The following FAM98C variants were observed in gnomAD, a reference collection of about 807,000 sequenced individuals.
The protein encoded by FAM98C is protein FAM98C.
Under a neutral mutation model 41.1 loss-of-function variants are expected in FAM98C, and 38 were observed. The observed-to-expected ratio is 0.92, with a 90% CI of 0.71 to 1.21. FAM98C has a LOEUF of 1.21. Among genes scored for constraint, FAM98C ranks in the 50% most tolerant of loss-of-function variants. The probability of loss-of-function intolerance (pLI) is 0.00; values close to 1 mark genes in which losing one functional copy is unlikely to be tolerated. For synonymous variants in FAM98C, 195 were observed against 216.7 expected, an observed-to-expected ratio of 0.90 and a Z score of 0.88; for missense variants, 493 against 484.7, an observed-to-expected ratio of 1.02 and a Z score of -0.16.
At position 38,408,861 on chromosome 19, in the gene FAM98C, C is replaced by CAAGAAG. The variant is rs59917662; in HGVS notation, c.1042_1047dup (p.Lys348_Lys349dup). On this transcript the variant is annotated inframe_insertion, in exon 8 of 8. Coordinates refer to ENST00000252530, the MANE Select transcript of FAM98C (RefSeq NM_174905.4). ...ATGGAGGCCCCCAGTGTTGGGGTCG[C>CAAGAAG]AAGAAGAAGAAGAAGAAGTAAAGGG... is the stretch of plus-strand genomic sequence containing the variant. The CAAGAAG allele has an allele frequency of 3.2e-6, 5 of 1,555,644 alleles. No individual in the cohort carries two copies. The South Asian group carries it at 3.6e-5, about 11-fold the overall frequency.
At position 38,407,069 on chromosome 19, in the gene FAM98C, A is replaced by G. The variant is rs1306607920; in HGVS notation, c.910A>G (p.Ile304Val). ...TGTCCGCAGAGGGACCTGCTGTGCC[A>G]TCAACAAGGTGGGCATCTGGGGTAG... ...VAVRRGTCCAINKVLMGNVPD... is the reference protein window; with the variant it reads ...VAVRRGTCCAVNKVLMGNVPD... Residue 304 changes from isoleucine (I) to valine (V), a missense_variant, in exon 7 of 8, where the codon ATC becomes GTC. Physicochemically the swap from Ile to Val is conservative, Grantham distance 29. Coordinates refer to ENST00000252530, the MANE Select transcript of FAM98C (RefSeq NM_174905.4). The G allele has an allele frequency of 6.2e-7, 1 of 1,613,384 alleles. No individual in the cohort carries two copies. The highest frequency in any genetic ancestry group is 1.1e-5 in the South Asian group (1 of 91,080).
At chr19:38,405,465 C>G in intron 5 of FAM98C, 44 bp downstream of exon 5, 1 of 1,613,854 alleles carries the variant, frequency 6.2e-7, no homozygotes, top group South Asian at 1.1e-5. Flanking sequence ...GTGTCCTCAT[C>G]AGAGGTGGCA....
chr19:38,405,446 A>T, intron 5 of FAM98C, 25 bp downstream of exon 5: 1 of 1,614,060 alleles, frequency 6.2e-7, no homozygotes, highest in East Asian at 2.2e-5. Flanking sequence ...GACTGACTGA[A>T]TGTGAACTGT....
At position 38,405,051 on chromosome 19, in the gene FAM98C, G is replaced by A; in HGVS notation, c.493G>A (p.Gly165Arg). Residue 165 changes from glycine (G) to arginine (R), a missense_variant, in exon 4 of 8, where the codon GGG (glycine) becomes AGG (arginine). Transcript: ENST00000252530. ...QELDLTLQAL[G>R]LPRPAPGTPA... The stretch of plus-strand genomic sequence containing the variant: ...ACTGGACCTTACCCTCCAAGCCCTG[G>A]GGCTGCCCAGACCTGCACCAGGGAC... 2.5e-6 allele frequency: 4 copies of A among 1,614,026 alleles called. No individual in the cohort carries two copies. Among genetic ancestry groups the A allele is most frequent in the Non-Finnish European group, 3.4e-6 (4 of 1,179,978 alleles).
rs984445729 is a variant in FAM98C at position 38,409,035 on chromosome 19, C to T, written c.*153C>T. The T allele has an allele frequency of 6.0e-5, 41 of 679,662 alleles. No homozygotes were observed. The South Asian group carries it at 6.5e-4, about 11-fold the overall frequency. The allele number at this position is 679,662 out of a possible 1,614,324, so 42.1% of individuals were successfully genotyped here. On this transcript the variant is annotated 3_prime_UTR_variant, in exon 8 of 8. Coordinates refer to ENST00000252530, the MANE Select transcript of FAM98C (RefSeq NM_174905.4). ...TCCCCAAATGCCCTGCTCCCATTCACGTCAATACCAAGAACCATGTTCTCC... is the reference window on the plus strand; with the variant it reads ...TCCCCAAATGCCCTGCTCCCATTCATGTCAATACCAAGAACCATGTTCTCC...
At chr19:38,405,888 C>T (rs1214708410) in intron 6 of FAM98C, 34 of 437,370 alleles carry the variant, frequency 7.8e-5, no homozygotes, top group Non-Finnish European at 1.3e-4. Flanking sequence ...GACGGGGTCT[C>T]ACTCTGTTGC....
At position 38,403,671 on chromosome 19, in the gene FAM98C, C is replaced by A; in HGVS notation, c.326C>A (p.Pro109His). 7.1e-7 allele frequency: 1 copy of A among 1,417,334 alleles called. No homozygotes were observed. Among genetic ancestry groups the A allele is most frequent in the Non-Finnish European group, 9.1e-7 (1 of 1,095,676 alleles). 87.8% of individuals were successfully genotyped at this position (1,417,334 alleles called of 1,614,324 possible). ...GGDGAAALRE[P>H]GAGLRLLRFL... is the part of the protein sequence containing the mutation. ...GATGGCGCGGCTGCGCTTCGGGAAC[C>A]CGGTGCCGGACTGCGCCTGCTGCGT... The change falls in exon 3 of 8, where the codon CCC becomes CAC. Residue 109 changes from proline (P) to histidine (H), a missense_variant. Physicochemically the swap from Pro to His is moderately conservative, Grantham distance 77. Coordinates refer to ENST00000252530, the MANE Select transcript of FAM98C (RefSeq NM_174905.4).
At position 38,405,535 on chromosome 19, in the gene FAM98C, T is replaced by C; in HGVS notation, c.650T>C (p.Leu217Pro). 6.2e-7 allele frequency: 1 copy of C among 1,614,232 alleles called. No individual in the cohort carries two copies. ...TTCTCCCAGGAAGCGTTGGAGTCTC[T>C]GTCCCAAAGCCTCAGAGATCAGTAC... ...DAPRWEALES[L>P]SQSLRDQYRC... The change falls in exon 6 of 8, where the codon CTG becomes CCG. Residue 217 changes from leucine (L) to proline (P), a missense_variant. Coordinates refer to ENST00000252530, the MANE Select transcript of FAM98C (RefSeq NM_174905.4).
chr19:38,407,608 A>C (rs1971062644), intron 7 of FAM98C: 1 of 153,304 alleles, frequency 6.5e-6, no homozygotes, highest in African/African-American at 2.4e-5. Context: ...TGACCTTGTG[A>C]TCTACCCGCC....
At position 38,403,585 on chromosome 19, in the gene FAM98C, GCGGCAGCT is replaced by G. The variant is rs1970997025; in HGVS notation, c.248_255del (p.Leu83ProfsTer55). The G allele has an allele frequency of 6.7e-7, 1 of 1,499,258 alleles. No individual in the cohort carries two copies. Among genetic ancestry groups the G allele is most frequent in the Non-Finnish European group, 8.8e-7 (1 of 1,134,300 alleles). The allele number at this position is 1,499,258 out of a possible 1,614,324, so 92.9% of individuals were successfully genotyped here. A position where few individuals can be genotyped will look rare whatever the true frequency, so the allele number is the denominator to read the frequency against. On this transcript the variant is annotated frameshift_variant, in exon 3 of 8. Transcript: ENST00000252530. LOFTEE classifies it high-confidence loss of function. ...GCCCTGGCGCGGAGGAGGACTTTCT[GCGGCAGCT>G]CGGCAGCCTGCTGCGGGAGCTGCAC...
At chr19:38,407,184 C>T (rs1971052520) in intron 7 of FAM98C, 107 bp downstream of exon 7, 4 of 1,327,366 alleles carry the variant, frequency 3.0e-6, no homozygotes, top group African/African-American at 2.9e-5. Flanking sequence ...AATCCACCCA[C>T]TAGACATGGC....
intron 3 of FAM98C, among the ~76,000 whole-genome samples, chr19:38,403,973 T>A (rs1275195842): frequency 6.6e-6 from 1 of 152,196 alleles, no homozygotes; most frequent in African/African-American, 2.4e-5. Context: ...TGATCTCGGC[T>A]CACTGCAACC....
chr19:38,408,529 A>C (rs1363986306), intron 7 of FAM98C: 2 of 523,958 alleles, frequency 3.8e-6, no homozygotes, highest in Admixed American at 3.4e-5. Flanking sequence ...ACTGCACTCC[A>C]GCCTGGGCAA....
Position 38,404,823 on chromosome 19 carries a change from C to T in FAM98C, c.350-85C>T. 5 of 1,486,248 alleles carry T rather than the reference C, an allele frequency of 3.4e-6. No individual in the cohort carries two copies. The South Asian group carries it at 4.6e-5, about 14-fold the overall frequency. The allele number at this position is 1,486,248 out of a possible 1,614,324, so 92.1% of individuals were successfully genotyped here. On this transcript the variant is annotated intron_variant, in intron 3 of 7. Transcript: ENST00000252530. Reference sequence around the variant, plus strand: ...GGATTACAGGTGTGAGCCACCGCACCCGGCCATCAGTGGAGCTTTTTGACC... The same window carrying T: ...GGATTACAGGTGTGAGCCACCGCACTCGGCCATCAGTGGAGCTTTTTGACC...
intron 6 of FAM98C, 94 bp downstream of exon 6, chr19:38,405,729 T>A (rs758508997): frequency 4.4e-4 from 520 of 1,176,512 alleles, no homozygotes; most frequent in Non-Finnish European, 5.9e-4. Flanking sequence ...AGTATCACCC[T>A]CTTGCAGGTT....
In FAM98C at chr19:38,404,815, C is replaced by T. The variant is rs1971015223; in HGVS notation, c.350-93C>T. 3.5e-6 allele frequency: 5 copies of T among 1,419,816 alleles called. No individual in the cohort carries two copies. The South Asian group carries it at 5.9e-5, about 17-fold the overall frequency. 88.0% of individuals were successfully genotyped at this position (1,419,816 alleles called of 1,614,324 possible). A position where few individuals can be genotyped will look rare whatever the true frequency, so the allele number is the denominator to read the frequency against. ...AAGTGCTGGGATTACAGGTGTGAGC[C>T]ACCGCACCCGGCCATCAGTGGAGCT... On this transcript the variant is annotated intron_variant, in intron 3 of 7. Transcript: ENST00000252530.
intron 7 of FAM98C, 88 bp from the exon 8 acceptor site, chr19:38,408,663 C>G (rs543111341): frequency 2.5e-6 from 4 of 1,574,624 alleles, no homozygotes; most frequent in Non-Finnish European, 3.5e-6. Context: ...GCTGTTTCTT[C>G]TTCAGCCTCA....
rs1970992861 is a variant in FAM98C at position 38,403,384 on chromosome 19, G to T, written c.112G>T (p.Asp38Tyr). ...GGCGTCGCGGGGCGCCTCATGCCCA[G>T]ACTTCAGGGGGCTGTGCGTGCGGCT... Reference protein sequence around the residue: ...GAASRGASCPDFRGLCVRLAA... With the variant: ...GAASRGASCPYFRGLCVRLAA... Residue 38 changes from aspartate to tyrosine, a missense_variant, in exon 2 of 8, where the codon GAC becomes TAC. Asp to Tyr is a radical substitution (Grantham distance 160, BLOSUM62 -3). Transcript: ENST00000252530. 1.4e-6 allele frequency: 2 copies of T among 1,464,146 alleles called. No homozygotes were observed. The highest frequency in any genetic ancestry group is 1.8e-6 in the Non-Finnish European group (2 of 1,121,380). The allele number at this position is 1,464,146 out of a possible 1,614,324, so 90.7% of individuals were successfully genotyped here.
rs1217317178 is a variant in FAM98C at position 38,405,601 on chromosome 19, C to G, written c.716C>G (p.Thr239Ser). 6.2e-7 allele frequency: 1 copy of G among 1,614,200 alleles called. No homozygotes were observed. The highest frequency in any genetic ancestry group is 8.5e-7 in the Non-Finnish European group (1 of 1,180,046). ...CTCCTCCTCAAGCGCCTTGACCTCA[C>G]TACATCTGCTTTCCACTGGAGTGAC... ...RCLLLKRLDLTTSAFHWSDRA... is the reference protein window; with the variant it reads ...RCLLLKRLDLSTSAFHWSDRA... The change falls in exon 6 of 8, where the codon ACT (threonine) becomes AGT (serine). Residue 239 changes from threonine to serine, a missense_variant. Thr to Ser is a moderately conservative substitution (Grantham distance 58). Transcript: ENST00000252530.
Sources: gnomAD v4.1 joint callset for allele counts (sites outside exome capture counted in the v4.1 genomes callset) on GRCh38, gnomAD v4.1.1 for gene constraint, MANE v1.5 for transcripts, NCBI Gene and HGNC (gene_info 2026-07-23, HGNC 2026-07-21) for gene names.